YWHAQ: variants seen among roughly 807,000 people sequenced by gnomAD.
The protein encoded by YWHAQ is tyrosine 3-monooxygenase/tryptophan 5-monooxygenase activation protein theta.
In YWHAQ, 6 loss-of-function variants were observed where a neutral mutation model predicts 28.3. That is an observed-to-expected ratio of 0.21 (90% CI 0.12 to 0.42). The LOEUF is 0.42. Among genes scored for constraint, YWHAQ ranks in the 10% least tolerant of loss-of-function variants. YWHAQ has a pLI of 1.00. For synonymous variants in YWHAQ, 143 were observed against 119.1 expected, an observed-to-expected ratio of 1.20 and a Z score of -1.31; for missense variants, 201 against 305.6, an observed-to-expected ratio of 0.66 and a Z score of 2.55.
chr2:9,589,533 A>G (rs1383166380), intron 3 of YWHAQ, among the ~76,000 whole-genome samples: 1 of 152,204 alleles, frequency 6.6e-6, no homozygotes. Flanking sequence ...CGGTGAGCCA[A>G]GATCGCGCCA....
chr2:9,608,127 A>G (rs1161811683), intron 2 of YWHAQ, among the ~76,000 whole-genome samples: 1 of 152,212 alleles, frequency 6.6e-6, no homozygotes, highest in African/African-American at 2.4e-5. Flanking sequence ...AGATTCACAG[A>G]AACATGACTT....
intron 2 of YWHAQ, among the ~76,000 whole-genome samples, chr2:9,593,905 AATATAT>A (rs199757991): frequency 7.8e-6 from 1 of 127,632 alleles, no homozygotes; most frequent in Non-Finnish European, 1.7e-5. Context: ...GATTAAAAAA[AATATAT>A]ATATATATAT....
intron 2 of YWHAQ, among the ~76,000 whole-genome samples, chr2:9,619,661 G>A (rs573359515): frequency 2.4e-4 from 36 of 152,236 alleles, no homozygotes; most frequent in Admixed American, 4.6e-4. Context: ...TATATTTAAT[G>A]GGATATTCTA....
intron 5 of YWHAQ, among the ~76,000 whole-genome samples, chr2:9,586,882 T>C (rs1271163035): frequency 6.6e-6 from 1 of 152,202 alleles, no homozygotes; most frequent in Non-Finnish European, 1.5e-5. Flanking sequence ...TCTTGATTAC[T>C]TCCTTTATCA....
intron 2 of YWHAQ, among the ~76,000 whole-genome samples, chr2:9,611,954 C>A (rs1490515604): frequency 1.3e-5 from 2 of 152,242 alleles, no homozygotes; most frequent in Non-Finnish European, 2.9e-5. Context: ...CAGGCGTGAG[C>A]CACTGCGCCC....
chr2:9,590,624 C>T (rs1666436644), intron 3 of YWHAQ, among the ~76,000 whole-genome samples: 1 of 152,094 alleles, frequency 6.6e-6, no homozygotes, highest in Non-Finnish European at 1.5e-5. Context: ...TCCCAAGAGA[C>T]ATTCACTGCA....
In YWHAQ at chr2:9,588,135, A is replaced by C. The variant is rs369032698; in HGVS notation, c.582+30T>G. 24 of 1,505,160 alleles carry C rather than the reference A, an allele frequency of 1.6e-5. No individual in the cohort carries two copies. The East Asian group carries it at 3.1e-4, about 19-fold the overall frequency. The allele number at this position is 1,505,160 out of a possible 1,614,324, so 93.2% of individuals were successfully genotyped here. A position where few individuals can be genotyped will look rare whatever the true frequency, so the allele number is the denominator to read the frequency against. On this transcript the variant is annotated intron_variant, in intron 4 of 5. Transcript: ENST00000238081. ...CTGGTATCTCAAATAACTGTAGCTAAAGTACGTATTTCCTGGACACACATC... is the reference window on the plus strand; with the variant it reads ...CTGGTATCTCAAATAACTGTAGCTACAGTACGTATTTCCTGGACACACATC...
intron 2 of YWHAQ, among the ~76,000 whole-genome samples, chr2:9,602,863 ATATATATATATATATATATAT>A (rs1204433339): frequency 5.4e-4 from 4 of 7,418 alleles, no homozygotes; most frequent in Non-Finnish European, 1.1e-3. Context: ...AAAAAAAAAA[ATATATATATATATATATATAT>A]ATATATATAT....
intron 2 of YWHAQ, among the ~76,000 whole-genome samples, chr2:9,599,466 T>G (rs2125065658): frequency 6.6e-6 from 1 of 152,318 alleles, no homozygotes. Context: ...AAAGGAAGGC[T>G]GACTCTTCAG....
At chr2:9,624,092 C>CA (rs1190523122) in intron 2 of YWHAQ, among the ~76,000 whole-genome samples, 1 of 151,998 alleles carries the variant, frequency 6.6e-6, no homozygotes, top group African/African-American at 2.4e-5. Context: ...TTCATCTCTA[C>CA]AAAAAATACA....
At chr2:9,589,713 G>C (rs1028440558) in intron 3 of YWHAQ, among the ~76,000 whole-genome samples, 1 of 152,026 alleles carries the variant, frequency 6.6e-6, no homozygotes, top group Non-Finnish European at 1.5e-5. Flanking sequence ...AGTATCAAGT[G>C]GTATTATTTG....
intron 2 of YWHAQ, among the ~76,000 whole-genome samples, chr2:9,602,862 AATATAT>A (rs71413909): frequency 0.017 from 357 of 20,666 alleles, 2 homozygotes; most frequent in Middle Eastern, 0.033. Context: ...AAAAAAAAAA[AATATAT>A]ATATATATAT....
chr2:9,601,560 G>A (rs115488062), intron 2 of YWHAQ, among the ~76,000 whole-genome samples: 1,816 of 152,278 alleles, frequency 0.012, 42 homozygotes, highest in African/African-American at 0.042. Flanking sequence ...ACCATTTAAC[G>A]TTCATATAAA....
chr2:9,593,669 G>T (rs1666504582), intron 2 of YWHAQ, among the ~76,000 whole-genome samples: 1 of 151,544 alleles, frequency 6.6e-6, no homozygotes, highest in African/African-American at 2.4e-5. Flanking sequence ...TCTCTACAAA[G>T]AATTTTAAAA....
chr2:9,587,780 A>T (rs1355447070), intron 4 of YWHAQ, among the ~76,000 whole-genome samples: 1 of 152,254 alleles, frequency 6.6e-6, no homozygotes, highest in Admixed American at 6.5e-5. Flanking sequence ...CTTTCCAGTT[A>T]AGTAGTACTT....
chr2:9,602,153 G>A (rs2125066451), intron 2 of YWHAQ, among the ~76,000 whole-genome samples: 1 of 152,256 alleles, frequency 6.6e-6, no homozygotes, highest in South Asian at 2.1e-4. Context: ...CTGGCCAGGT[G>A]TGGTGGCTCA....
chr2:9,626,269 T>C (rs1404327181), intron 2 of YWHAQ, among the ~76,000 whole-genome samples: 8 of 152,234 alleles, frequency 5.3e-5, no homozygotes, highest in Non-Finnish European at 1.5e-5. Flanking sequence ...ACACTCAAAC[T>C]GCCTGGTTCT....
At chr2:9,606,392 C>G (rs2125068148) in intron 2 of YWHAQ, among the ~76,000 whole-genome samples, 1 of 148,738 alleles carries the variant, frequency 6.7e-6, no homozygotes, top group African/African-American at 2.5e-5. Flanking sequence ...ACGGTGAAAC[C>G]CCGTCTCTAC....
intron 2 of YWHAQ, among the ~76,000 whole-genome samples, chr2:9,604,066 G>T (rs1202918985): frequency 6.6e-6 from 1 of 152,200 alleles, no homozygotes; most frequent in East Asian, 1.9e-4. Flanking sequence ...GGGCTCCTAT[G>T]TGTTAAAGGA....
Sources: gnomAD v4.1 joint callset for allele counts (sites outside exome capture counted in the v4.1 genomes callset) on GRCh38, gnomAD v4.1.1 for gene constraint, MANE v1.5 for transcripts, NCBI Gene and HGNC (gene_info 2026-07-23, HGNC 2026-07-21) for gene names.